ARHGAP44: variants seen among roughly 807,000 people sequenced by gnomAD.
The protein encoded by ARHGAP44 is Rho GTPase activating protein 44, also known as rho GTPase-activating protein 44.
ARHGAP44 carries 43 observed loss-of-function variants against 106.8 expected under a neutral mutation model. The observed-to-expected ratio is 0.40, with a 90% CI of 0.32 to 0.52. The LOEUF (loss-of-function observed/expected upper bound fraction) is 0.52, where lower values mean the gene tolerates loss of function less well. ARHGAP44 is among the 20% of genes least tolerant of loss of function. ARHGAP44 has a pLI of 0.48. For missense variants in ARHGAP44, 866 were observed against 1,050.5 expected (o/e 0.82, Z 2.43); for synonymous variants, 439 against 410.3 (o/e 1.07, Z -0.85).
chr17:12,809,771 T>C (rs1033829710), intron 1 of ARHGAP44, among the ~76,000 whole-genome samples: 25 of 152,158 alleles, frequency 1.6e-4, no homozygotes, highest in African/African-American at 4.8e-4. Context: ...TAGATCAGAT[T>C]TGTGGCCATG....
At position 12,958,963 on chromosome 17, in the gene ARHGAP44, G is replaced by A. The variant is rs554958225; in HGVS notation, c.1523+66G>A. The A allele has an allele frequency of 3.3e-5, 50 of 1,526,958 alleles. No individual in the cohort carries two copies. The highest frequency in any genetic ancestry group is 3.9e-5 in the Non-Finnish European group (44 of 1,125,554). The allele number at this position is 1,526,958 out of a possible 1,614,324, so 94.6% of individuals were successfully genotyped here. ...GAGGTGGTGGGGGTGGATGGGTGAC[G>A]CATAAGAAAAATACAATTACGGGAA... On this transcript the variant is annotated intron_variant, in intron 16 of 20. Transcript: ENST00000379672. The surrounding 1 kb of genome is among the most constrained non-coding windows in gnomAD (Gnocchi z 4.1).
intron 1 of ARHGAP44, among the ~76,000 whole-genome samples, chr17:12,797,412 T>C (rs919531062): frequency 1.3e-5 from 2 of 152,228 alleles, no homozygotes; most frequent in African/African-American, 2.4e-5. Context: ...ATCATCATTG[T>C]GTACTAAAAA....
At position 12,833,564 on chromosome 17, in the gene ARHGAP44, C is replaced by A. The variant is rs547967199; in HGVS notation, c.53+43673C>A. ...CTTTCAGTTTTCACTTTTTCTAACC[C>A]CTTGGTGATGAAATGAGTCACACTC... On this transcript the variant is annotated intron_variant, in intron 1 of 20. Transcript: ENST00000379672. Among the ~76,000 whole-genome samples, 4 of 152,210 alleles carry A rather than the reference C, an allele frequency of 2.6e-5. No homozygotes were observed. In the East Asian group the frequency reaches 7.7e-4, roughly 29 times the overall value.
intron 1 of ARHGAP44, among the ~76,000 whole-genome samples, chr17:12,801,505 A>G (rs779298509): frequency 2.0e-5 from 3 of 152,234 alleles, no homozygotes; most frequent in Admixed American, 1.3e-4. Context: ...TCTGACATTG[A>G]TATTTTTCAT....
At chr17:12,829,620 G>T (rs183527487) in intron 1 of ARHGAP44, among the ~76,000 whole-genome samples, 207 of 152,154 alleles carry the variant, frequency 1.4e-3, no homozygotes, top group Middle Eastern at 6.8e-3. Flanking sequence ...ACTCAGCTTT[G>T]ATCAACCTGA....
At chr17:12,802,241 GA>G (rs2034114427) in intron 1 of ARHGAP44, among the ~76,000 whole-genome samples, 1 of 152,126 alleles carries the variant, frequency 6.6e-6, no homozygotes. Flanking sequence ...GGGTTCTCTG[GA>G]TGCAGCAGCA....
intron 10 of ARHGAP44, among the ~76,000 whole-genome samples, chr17:12,945,466 C>T (rs928588331): frequency 7.2e-5 from 11 of 152,058 alleles, no homozygotes; most frequent in Non-Finnish European, 1.5e-4. Flanking sequence ...GCATGCGGTA[C>T]GTGTTTTATT....
At chr17:12,818,546 A>G (rs562825160) in intron 1 of ARHGAP44, among the ~76,000 whole-genome samples, 101 of 152,174 alleles carry the variant, frequency 6.6e-4, no homozygotes, top group African/African-American at 2.1e-3. Context: ...AACTGCCACT[A>G]TTTGTAGACG....
intron 10 of ARHGAP44, among the ~76,000 whole-genome samples, 186 bp downstream of exon 10, chr17:12,944,382 A>G (rs2038792958): frequency 6.6e-6 from 1 of 152,098 alleles, no homozygotes; most frequent in South Asian, 2.1e-4. Flanking sequence ...GTGAGCCTTC[A>G]TTTGACAAGA....
intron 1 of ARHGAP44, among the ~76,000 whole-genome samples, chr17:12,847,107 T>G (rs1427130087): frequency 6.6e-6 from 1 of 152,216 alleles, no homozygotes; most frequent in Non-Finnish European, 1.5e-5. Flanking sequence ...AAATTGATTT[T>G]CCTAATTTGA....
chr17:12,833,015 T>G (rs1393291776), intron 1 of ARHGAP44, among the ~76,000 whole-genome samples: 1 of 152,234 alleles, frequency 6.6e-6, no homozygotes, highest in Non-Finnish European at 1.5e-5. Context: ...TCACAGTTTC[T>G]GTGCCTGGGC....
intron 20 of ARHGAP44, among the ~76,000 whole-genome samples, chr17:12,989,101 C>CGAAAAA (rs1598173210): frequency 2.0e-4 from 9 of 45,158 alleles, no homozygotes; most frequent in African/African-American, 4.3e-4. Flanking sequence ...CCACCCCCCC[C>CGAAAAA]AAAAAAAAAA....
chr17:12,904,218 T>C, intron 3 of ARHGAP44, among the ~76,000 whole-genome samples: 1 of 152,162 alleles, frequency 6.6e-6, no homozygotes, highest in East Asian at 1.9e-4. Context: ...GCGATTCTCC[T>C]GCCTCAGCCT....
intron 18 of ARHGAP44, among the ~76,000 whole-genome samples, chr17:12,976,209 C>T (rs1465195741): frequency 1.3e-5 from 2 of 152,232 alleles, no homozygotes; most frequent in Admixed American, 1.3e-4. Flanking sequence ...CATGGACACT[C>T]ATCCTCACAC....
chr17:12,849,736 A>G (rs866813013), intron 1 of ARHGAP44, among the ~76,000 whole-genome samples: 3 of 152,078 alleles, frequency 2.0e-5, no homozygotes, highest in Admixed American at 6.6e-5. Context: ...TTGGCTTTCT[A>G]AAATCCTAAT....
Position 12,974,200 on chromosome 17 carries a change from G to C in ARHGAP44, c.1653G>C (p.Glu551Asp). The C allele has an allele frequency of 2.6e-6, 4 of 1,548,546 alleles. No homozygotes were observed. The highest frequency in any genetic ancestry group is 3.5e-6 in the Non-Finnish European group (4 of 1,146,716). ...PSMQPPAPPAELAAPLPSPLP... is the reference protein window; with the variant it reads ...PSMQPPAPPADLAAPLPSPLP... ...TGCAGCCTCCCGCCCCGCCCGCCGAGCTGGCTGCGCCCCTGCCTTCGCCGC... is the reference window on the plus strand; with the variant it reads ...TGCAGCCTCCCGCCCCGCCCGCCGACCTGGCTGCGCCCCTGCCTTCGCCGC... Residue 551 changes from glutamate (E) to aspartate (D), a missense_variant, in exon 18 of 21, where the codon GAG (glutamate) becomes GAC (aspartate). Physicochemically the swap from Glu to Asp is conservative, Grantham distance 45. Around this residue, in one of 2 missense-constraint regions of ARHGAP44, gnomAD observed 418 missense variants for 403.6 expected, o/e 1.04. Transcript: ENST00000379672.
At chr17:12,898,825 G>A (rs1312378550) in intron 3 of ARHGAP44, among the ~76,000 whole-genome samples, 1 of 152,192 alleles carries the variant, frequency 6.6e-6, no homozygotes, top group Non-Finnish European at 1.5e-5. Flanking sequence ...TACTAGAGAA[G>A]ACACACAGTG....
At chr17:12,817,933 A>G (rs2034644148) in intron 1 of ARHGAP44, among the ~76,000 whole-genome samples, 1 of 152,004 alleles carries the variant, frequency 6.6e-6, no homozygotes, top group Non-Finnish European at 1.5e-5. Flanking sequence ...CAGTTGTACC[A>G]AACATTTGAG....
chr17:12,974,629 C>T (rs2039628248), intron 18 of ARHGAP44, among the ~76,000 whole-genome samples: 1 of 152,096 alleles, frequency 6.6e-6, no homozygotes, highest in Non-Finnish European at 1.5e-5. Context: ...ACAGTGGCCC[C>T]CCATATCCGT....
Sources: allele counts gnomAD v4.1 joint callset (sites outside exome capture counted in the v4.1 genomes callset), GRCh38; gene constraint gnomAD v4.1.1; regional missense constraint gnomAD v4.1.1; non-coding constraint Gnocchi (gnomAD v3.1); transcripts MANE v1.5; gene names NCBI Gene and HGNC (gene_info 2026-07-23, HGNC 2026-07-21).